KALRN: variants seen among roughly 807,000 people sequenced by gnomAD.
KALRN encodes kalirin RhoGEF kinase.
A neutral mutation model predicts 353.7 loss-of-function variants in KALRN; 70 were observed. The observed-to-expected ratio is 0.20, with a 90% CI of 0.16 to 0.24. KALRN has a LOEUF of 0.24. KALRN is among the 10% of genes least tolerant of loss of function. The pLI is 1.00. For missense variants in KALRN, 2,791 were observed against 3,756.7 expected, an observed-to-expected ratio of 0.74 and a Z score of 6.72; for synonymous variants, 1,391 against 1,434.8, an observed-to-expected ratio of 0.97 and a Z score of 0.69.
chr3:124,700,430 C>G (rs1483278592), intron 56 of KALRN, among the ~76,000 whole-genome samples: 1 of 152,184 alleles, frequency 6.6e-6, no homozygotes, highest in Non-Finnish European at 1.5e-5. Context: ...GAAAGAAAAG[C>G]AACCTGGCTG....
intron 3 of KALRN, among the ~76,000 whole-genome samples, chr3:124,259,301 G>A (rs575593905): frequency 3.9e-5 from 6 of 152,278 alleles, no homozygotes; most frequent in South Asian, 4.2e-4. Flanking sequence ...TTGGAGAAGC[G>A]TAGGCATCAG....
chr3:124,496,012 T>TACACAC (rs71922638), intron 32 of KALRN, among the ~76,000 whole-genome samples: 6 of 43,692 alleles, frequency 1.4e-4, no homozygotes, highest in African/African-American at 2.4e-4. Context: ...TATATATATA[T>TACACAC]ACACACACAT....
At chr3:124,253,234 G>T (rs1580082361) in intron 3 of KALRN, among the ~76,000 whole-genome samples, 1 of 152,200 alleles carries the variant, frequency 6.6e-6, no homozygotes, top group African/African-American at 2.4e-5. Flanking sequence ...CCACATGTCT[G>T]AATGGCTTGA....
At chr3:124,236,823 C>T (rs1462611480) in intron 3 of KALRN, among the ~76,000 whole-genome samples, 1 of 152,188 alleles carries the variant, frequency 6.6e-6, no homozygotes, top group Non-Finnish European at 1.5e-5. Flanking sequence ...AAGGAACACA[C>T]AAGATGCAGG....
chr3:124,198,712 T>C (rs1353218513), intron 1 of KALRN, among the ~76,000 whole-genome samples: 1 of 152,194 alleles, frequency 6.6e-6, no homozygotes, highest in Admixed American at 6.5e-5. Flanking sequence ...TGCATGTATG[T>C]ATACATGCAA....
At chr3:124,493,704 G>T (rs73860505) in intron 32 of KALRN, among the ~76,000 whole-genome samples, 2 of 152,336 alleles carry the variant, frequency 1.3e-5, no homozygotes, top group African/African-American at 2.4e-5. Flanking sequence ...GGACAAGCAG[G>T]GTAGGGAGCC....
At position 124,703,036 on chromosome 3, in the gene KALRN, T is replaced by C. The variant is rs2062419091; in HGVS notation, c.8075+920T>C. 2.6e-5 allele frequency among the ~76,000 whole-genome samples: 4 copies of C among 152,158 alleles called. No individual in the cohort carries two copies. The South Asian group carries it at 6.2e-4, about 24-fold the overall frequency. ...TACAGGTTGCCCACCCGTAAGATCC[T>C]TCCCCCCGGATGTATAAATAAAAGA... On this transcript the variant is annotated intron_variant, in intron 57 of 59. Coordinates refer to ENST00000682506, the MANE Select transcript of KALRN (RefSeq NM_001388419.1).
At chr3:124,605,944 G>A (rs993312267) in intron 34 of KALRN, among the ~76,000 whole-genome samples, 3 of 152,064 alleles carry the variant, frequency 2.0e-5, no homozygotes, top group South Asian at 2.1e-4. Flanking sequence ...AATGCTTGCC[G>A]CAGCTTTTTG....
intron 1 of KALRN, among the ~76,000 whole-genome samples, chr3:124,126,960 A>G (rs911833361): frequency 1.3e-5 from 2 of 152,214 alleles, no homozygotes; most frequent in Admixed American, 6.5e-5. Flanking sequence ...CCATTATCCA[A>G]GTGAAATGAA....
Position 124,637,304 on chromosome 3 carries a change from G to A in KALRN, c.5664+1G>A. 1 of 1,610,566 alleles carries A rather than the reference G, an allele frequency of 6.2e-7. No individual in the cohort carries two copies. On this transcript the variant is annotated splice_donor_variant, in intron 37 of 59. Coordinates refer to ENST00000682506, the MANE Select transcript of KALRN (RefSeq NM_001388419.1). LOFTEE classifies it high-confidence loss of function. ...AGAAAAGTTGGTCAAAAACAAGCTG[G>A]TAAGTGGGGGTCCTGGAGGCAGTTC...
intron 1 of KALRN, among the ~76,000 whole-genome samples, chr3:124,224,901 C>G (rs1327673300): frequency 7.2e-5 from 11 of 152,176 alleles, no homozygotes; most frequent in Non-Finnish European, 2.9e-5. Context: ...ATTGCCAGTG[C>G]TTGGTGTGAC....
chr3:124,678,359 C>T, intron 50 of KALRN, 46 bp downstream of exon 50: 1 of 1,604,722 alleles, frequency 6.2e-7, no homozygotes, highest in Non-Finnish European at 8.5e-7. Context: ...TCATCCACTC[C>T]CACCCTGCAG....
chr3:124,673,802 C>G (rs2086813866), intron 48 of KALRN, among the ~76,000 whole-genome samples: 1 of 152,000 alleles, frequency 6.6e-6, no homozygotes, highest in Admixed American at 6.6e-5. Context: ...GTACCTGGTG[C>G]CTGCAGGAAG....
intron 1 of KALRN, among the ~76,000 whole-genome samples, chr3:124,224,078 T>C (rs901516354): frequency 1.3e-5 from 2 of 151,852 alleles, no homozygotes; most frequent in African/African-American, 2.4e-5. Context: ...CAGTGAAGCA[T>C]GCCTTTGTCC....
At chr3:124,255,247 A>G (rs1218689768) in intron 3 of KALRN, among the ~76,000 whole-genome samples, 1 of 152,168 alleles carries the variant, frequency 6.6e-6, no homozygotes, top group Non-Finnish European at 1.5e-5. Flanking sequence ...CCCGGCCTCT[A>G]GTATTTTTTT....
intron 1 of KALRN, among the ~76,000 whole-genome samples, chr3:124,077,674 A>G (rs1559911236): frequency 6.6e-6 from 1 of 152,202 alleles, no homozygotes; most frequent in African/African-American, 2.4e-5. Flanking sequence ...TACTATTGCA[A>G]TAGGCTTCAA....
rs1040948516 is a variant in KALRN, at chr3:124,427,392, C to T, written c.2710-3264C>T. Among the ~76,000 whole-genome samples the T allele has an allele frequency of 5.9e-5, 9 of 152,324 alleles. No individual in the cohort carries two copies. In the East Asian group the frequency reaches 7.7e-4, roughly 13 times the overall value. ...GCTAGCGTTTCAGAAACAACTATGC[C>T]TTGTGATAAATCATCTACAATAGTG... is the stretch of plus-strand genomic sequence containing the variant. On this transcript the variant is annotated intron_variant, in intron 15 of 59. Transcript: ENST00000682506.
rs369991680 is a variant in KALRN, at chr3:124,434,339, G to A, written c.2862G>A (p.Thr954=). 64 of 1,612,970 alleles carry A rather than the reference G, an allele frequency of 4.0e-5. No homozygotes were observed. Among genetic ancestry groups the A allele is most frequent in the Admixed American group, 1.0e-4 (6 of 59,996 alleles). The change falls in exon 17 of 60, where the codon ACG becomes ACA. Residue 954 remains threonine, a synonymous_variant. Transcript: ENST00000682506. ...SLFHATSLQK[T]HQSALQVQQK... ...TTCATGCCACTTCCTTGCAGAAGAC[G>A]CACCAGAGTGCCCTGCAGGTACAGC...
chr3:124,684,841 A>G (rs939759311), intron 51 of KALRN, among the ~76,000 whole-genome samples: 1 of 151,986 alleles, frequency 6.6e-6, no homozygotes, highest in Non-Finnish European at 1.5e-5. Flanking sequence ...GGGAAGTTTG[A>G]GCGGCCAGAG....
Sources: allele counts gnomAD v4.1 joint callset (sites outside exome capture counted in the v4.1 genomes callset), GRCh38; gene constraint gnomAD v4.1.1; transcripts MANE v1.5; gene names NCBI Gene and HGNC (gene_info 2026-07-23, HGNC 2026-07-21).